Variants in CSMD1 observed in about 807,000 individuals in gnomAD.
The protein encoded by CSMD1 is CUB and Sushi multiple domains 1.
Under a neutral mutation model 417.5 loss-of-function variants are expected in CSMD1, and 213 were observed. The ratio of observed to expected loss-of-function variants is 0.51; its 90% CI spans 0.46 to 0.57. The LOEUF (loss-of-function observed/expected upper bound fraction) is 0.57, where lower values mean the gene tolerates loss of function less well. Among genes scored for constraint, CSMD1 ranks in the 20% least tolerant of loss-of-function variants. The pLI is 0.00. For missense variants in CSMD1, 6,923 were observed against 4,529.7 expected (o/e 1.53, Z -15.17); for synonymous variants, 2,862 against 1,736.8 (o/e 1.65, Z -16.11).
At chr8:4,058,159 C>T (rs958097270) in intron 3 of CSMD1, among the ~76,000 whole-genome samples, 20 of 152,106 alleles carry the variant, frequency 1.3e-4, no homozygotes, top group Non-Finnish European at 2.8e-4. Flanking sequence ...ACTCTTCCTA[C>T]CCATGAGCAT....
chr8:4,541,535 G>A (rs1437900210), intron 2 of CSMD1, among the ~76,000 whole-genome samples: 1 of 151,926 alleles, frequency 6.6e-6, no homozygotes, highest in Non-Finnish European at 1.5e-5. Context: ...ATTGCTTGAG[G>A]TCAGGAGTTC....
intron 1 of CSMD1, among the ~76,000 whole-genome samples, chr8:4,804,725 A>G (rs1238882034): frequency 6.6e-6 from 1 of 152,252 alleles, no homozygotes; most frequent in Non-Finnish European, 1.5e-5. Context: ...TATGACTGCT[A>G]TATGAAATGC....
chr8:3,969,309 G>A (rs529452217), intron 5 of CSMD1, among the ~76,000 whole-genome samples: 1 of 152,080 alleles, frequency 6.6e-6, no homozygotes, highest in African/African-American at 2.4e-5. Flanking sequence ...GTGGAGAAAG[G>A]GCTTCCCAGG....
At chr8:3,982,997 TTAG>T (rs1390424353) in intron 5 of CSMD1, among the ~76,000 whole-genome samples, 1 of 152,110 alleles carries the variant, frequency 6.6e-6, no homozygotes, top group Non-Finnish European at 1.5e-5. Flanking sequence ...CTAGAGCTAG[TTAG>T]TAGCCCAAGA....
At chr8:4,439,562 C>T (rs941755183) in intron 2 of CSMD1, among the ~76,000 whole-genome samples, 3 of 152,074 alleles carry the variant, frequency 2.0e-5, no homozygotes, top group African/African-American at 7.2e-5. Flanking sequence ...AGTTTACTAT[C>T]TGCTGAAAAT....
At chr8:4,004,990 A>C (rs930211175) in intron 4 of CSMD1, among the ~76,000 whole-genome samples, 3 of 152,068 alleles carry the variant, frequency 2.0e-5, no homozygotes, top group African/African-American at 4.8e-5. Flanking sequence ...GTGATCTGCC[A>C]GCCTCAGCCT....
intron 5 of CSMD1, among the ~76,000 whole-genome samples, chr8:3,775,797 G>A (rs979209353): frequency 6.6e-6 from 1 of 152,226 alleles, no homozygotes; most frequent in Admixed American, 6.5e-5. Context: ...ATTGCTGGGT[G>A]CTGATGTCAT....
In CSMD1 at chr8:3,750,874, G is replaced by C. The variant is rs940632465; in HGVS notation, c.931+3056C>G. Among the ~76,000 whole-genome samples, 14 of 152,108 alleles carry C rather than the reference G, an allele frequency of 9.2e-5. 1 individual carries two copies. Among genetic ancestry groups the C allele is most frequent in the Non-Finnish European group, 1.9e-4 (13 of 68,014 alleles). ...ACCATACTGGAGCTTCCATTCCTTG[G>C]TAACAGTTCTGCCCTCTGGATCCAG... On this transcript the variant is annotated intron_variant, in intron 6 of 69. Transcript: ENST00000635120.
intron 1 of CSMD1, among the ~76,000 whole-genome samples, chr8:4,752,637 G>C (rs1374817152): frequency 6.6e-6 from 1 of 152,186 alleles, no homozygotes; most frequent in Non-Finnish European, 1.5e-5. Context: ...GGGGAAAATT[G>C]ATGTGCCATA....
chr8:4,696,193 C>T (rs1413236872), intron 1 of CSMD1, among the ~76,000 whole-genome samples: 1 of 152,138 alleles, frequency 6.6e-6, no homozygotes, highest in Non-Finnish European at 1.5e-5. Context: ...CACATGTATG[C>T]ATATAGGATA....
chr8:3,350,672 G>C (rs1262224331), intron 21 of CSMD1, among the ~76,000 whole-genome samples: 1 of 152,096 alleles, frequency 6.6e-6, no homozygotes, highest in Non-Finnish European at 1.5e-5. Context: ...ATTAATTGCA[G>C]CTGATATTTG....
At chr8:4,305,000 C>T (rs1798168996) in intron 3 of CSMD1, among the ~76,000 whole-genome samples, 1 of 152,266 alleles carries the variant, frequency 6.6e-6, no homozygotes, top group Non-Finnish European at 1.5e-5. Flanking sequence ...CCTGTTCTTA[C>T]AGGACCCACT....
At chr8:4,325,490 A>T (rs1040150317) in intron 3 of CSMD1, among the ~76,000 whole-genome samples, 8 of 152,170 alleles carry the variant, frequency 5.3e-5, no homozygotes, top group Non-Finnish European at 7.3e-5. Context: ...CCTGTGGCTG[A>T]AGTTTGTCTG....
intron 2 of CSMD1, among the ~76,000 whole-genome samples, chr8:4,435,796 G>C (rs1439521610): frequency 1.3e-5 from 2 of 152,200 alleles, no homozygotes; most frequent in Admixed American, 1.3e-4. Context: ...GACAATAGAA[G>C]ACAGACCGTG....
chr8:4,090,234 G>T (rs1057018020), intron 3 of CSMD1, among the ~76,000 whole-genome samples: 7 of 152,112 alleles, frequency 4.6e-5, no homozygotes, highest in African/African-American at 1.7e-4. Flanking sequence ...GCTTGTTTTT[G>T]AGAAGTTATC....
chr8:3,337,477 C>G (rs1022831432), intron 23 of CSMD1, among the ~76,000 whole-genome samples: 1 of 152,108 alleles, frequency 6.6e-6, no homozygotes, highest in South Asian at 2.1e-4. Context: ...CTTCAAAGAT[C>G]TCTTTGCGGT....
intron 1 of CSMD1, among the ~76,000 whole-genome samples, chr8:4,913,096 G>A (rs1234773765): frequency 6.6e-6 from 1 of 151,962 alleles, no homozygotes; most frequent in East Asian, 1.9e-4. Flanking sequence ...GCCAGCACCA[G>A]CTGCTTTAAA....
intron 2 of CSMD1, among the ~76,000 whole-genome samples, chr8:4,435,492 T>C (rs1798099290): frequency 6.6e-6 from 1 of 152,218 alleles, no homozygotes; most frequent in Admixed American, 6.5e-5. Context: ...CCTGTTATGA[T>C]ATGATTTGTC....
intron 2 of CSMD1, among the ~76,000 whole-genome samples, chr8:4,439,789 C>A (rs550559541): frequency 6.6e-6 from 1 of 152,208 alleles, no homozygotes; most frequent in Middle Eastern, 3.4e-3. Flanking sequence ...CAAATAGTGA[C>A]TTTGAGAAGA....
Sources: allele counts gnomAD v4.1 joint callset (sites outside exome capture counted in the v4.1 genomes callset), GRCh38; gene constraint gnomAD v4.1.1; transcripts MANE v1.5; gene names NCBI Gene and HGNC (gene_info 2026-07-23, HGNC 2026-07-21).